The following CTIF variants were observed in gnomAD, a reference collection of about 807,000 sequenced individuals.
CTIF encodes the protein cap binding complex dependent translation initiation factor, also known as CBP80/20-dependent translation initiation factor.
CTIF carries 21 observed loss-of-function variants against 66.0 expected under a neutral mutation model. That is an observed-to-expected ratio of 0.32 (90% CI 0.23 to 0.46). The LOEUF is 0.46. Among genes scored for constraint, CTIF ranks in the 20% least tolerant of loss-of-function variants. The probability of loss-of-function intolerance (pLI) is 1.00; values close to 1 mark genes in which losing one functional copy is unlikely to be tolerated. For synonymous variants in CTIF, 345 were observed against 326.4 expected (o/e 1.06, Z -0.62); for missense variants, 739 against 812.7 (o/e 0.91, Z 1.10).
intron 9 of CTIF, among the ~76,000 whole-genome samples, chr18:48,803,795 T>C (rs1386191217): frequency 6.6e-6 from 1 of 152,168 alleles, no homozygotes; most frequent in East Asian, 1.9e-4. Flanking sequence ...TGTCTTCCTT[T>C]TGGCTCAAGA....
chr18:48,572,025 G>T (rs78804659), intron 1 of CTIF, among the ~76,000 whole-genome samples: 1 of 152,078 alleles, frequency 6.6e-6, no homozygotes, highest in Non-Finnish European at 1.5e-5. Context: ...GTAGTCTTAA[G>T]CCAGAATTAT....
intron 9 of CTIF, among the ~76,000 whole-genome samples, chr18:48,770,642 C>A (rs567345700): frequency 6.6e-6 from 1 of 152,356 alleles, no homozygotes; most frequent in South Asian, 2.1e-4. Context: ...GTGGGTCGTG[C>A]CCCCGAATCT....
In CTIF at chr18:48,859,645, C is replaced by T. The variant is rs1412612416; in HGVS notation, c.*86C>T. 2 of 1,316,358 alleles carry T rather than the reference C, an allele frequency of 1.5e-6. No individual in the cohort carries two copies. Among genetic ancestry groups the T allele is most frequent in the African/African-American group, 2.9e-5 (2 of 68,606 alleles). The allele number at this position is 1,316,358 out of a possible 1,614,324, so 81.5% of individuals were successfully genotyped here. On this transcript the variant is annotated 3_prime_UTR_variant, in exon 12 of 12. Transcript: ENST00000256413. The stretch of plus-strand genomic sequence containing the variant: ...TGGACAGGCGGGAGGACAGGGGTGG[C>T]CCTGGCGGGAGAAAGAAATGGGGAG...
intron 1 of CTIF, among the ~76,000 whole-genome samples, chr18:48,595,208 G>T (rs1381765339): frequency 1.3e-5 from 2 of 152,138 alleles, no homozygotes; most frequent in African/African-American, 4.8e-5. Context: ...TAAGTCATAG[G>T]ATTCTAGGAT....
At chr18:48,547,709 G>A (rs1397958839) in intron 1 of CTIF, among the ~76,000 whole-genome samples, 5 of 152,150 alleles carry the variant, frequency 3.3e-5, no homozygotes, top group Non-Finnish European at 5.9e-5. Flanking sequence ...TGCTGGAAGG[G>A]CCTCCATTTG....
At chr18:48,834,057 T>C (rs989807687) in intron 10 of CTIF, among the ~76,000 whole-genome samples, 3 of 134,968 alleles carry the variant, frequency 2.2e-5, no homozygotes, top group African/African-American at 8.0e-5. Flanking sequence ...CCTCCCGTTC[T>C]CTTCCTTTCC....
chr18:48,752,324 G>A (rs186324754), intron 7 of CTIF, among the ~76,000 whole-genome samples: 195 of 152,294 alleles, frequency 1.3e-3, no homozygotes, highest in African/African-American at 4.4e-3. Context: ...GGAAGTAGCT[G>A]GCCCAGTGCT....
chr18:48,680,175 G>A (rs957669488), intron 6 of CTIF, among the ~76,000 whole-genome samples: 5 of 152,360 alleles, frequency 3.3e-5, no homozygotes, highest in Admixed American at 6.5e-5. Flanking sequence ...AAGAAGTTTT[G>A]TTATTTGTTA....
chr18:48,742,809 G>A (rs2092566198), intron 7 of CTIF, among the ~76,000 whole-genome samples: 1 of 152,146 alleles, frequency 6.6e-6, no homozygotes, highest in Non-Finnish European at 1.5e-5. Context: ...TTCTGCCAGG[G>A]GTATTGGGGT....
intron 9 of CTIF, among the ~76,000 whole-genome samples, chr18:48,811,918 G>T (rs534477541): frequency 2.0e-5 from 3 of 152,094 alleles, no homozygotes; most frequent in African/African-American, 7.2e-5. Context: ...AAGTGGAATT[G>T]CTGGATCATA....
intron 7 of CTIF, among the ~76,000 whole-genome samples, chr18:48,722,445 C>T (rs1255454045): frequency 6.6e-6 from 1 of 151,716 alleles, no homozygotes. Flanking sequence ...GGTCTTGAAC[C>T]CCTGGCCTCA....
At chr18:48,770,898 T>C (rs1422918737) in intron 9 of CTIF, among the ~76,000 whole-genome samples, 2 of 152,316 alleles carry the variant, frequency 1.3e-5, no homozygotes, top group Middle Eastern at 3.4e-3. Context: ...GTGGGTGCCC[T>C]GCCCTGGTGG....
Position 48,699,150 on chromosome 18 carries a change from ACGGCCC to A in CTIF, c.508-12467_508-12462del, listed in dbSNP as rs554876330. 3.0e-3 allele frequency among the ~76,000 whole-genome samples: 453 copies of A among 152,122 alleles called. 3 individuals carry two copies. Among genetic ancestry groups the A allele is most frequent in the Middle Eastern group, 0.014 (4 of 294 alleles). On this transcript the variant is annotated intron_variant, in intron 6 of 11. Transcript: ENST00000256413. ...ATACCCCCGAGCCTCCTGGTGCCCG[ACGGCCC>A]CAGCAGGCTAGTCAGACCCAGTGTC...
intron 3 of CTIF, among the ~76,000 whole-genome samples, chr18:48,646,901 CAAAAAAAAA>C (rs35904615): frequency 8.1e-4 from 63 of 77,988 alleles, no homozygotes; most frequent in Admixed American, 2.3e-3. Context: ...TTGGCAGTTT[CAAAAAAAAA>C]AAAAAAAAAA....
chr18:48,551,449 T>G (rs1017044948), intron 1 of CTIF, among the ~76,000 whole-genome samples: 2 of 152,090 alleles, frequency 1.3e-5, no homozygotes, highest in Admixed American at 1.3e-4. Flanking sequence ...AATTATGAGA[T>G]CATACATTTC....
chr18:48,793,470 C>T lies in CTIF; in HGVS notation c.1372-23751C>T, dbSNP rs571199239. On this transcript the variant is annotated intron_variant, in intron 9 of 11. Transcript: ENST00000256413. ...CCACAGCCATTTACAACTCTGGCTT[C>T]TGTAATGTGGTGCCAGCAGGATTAA... Among the ~76,000 whole-genome samples, 12 of 152,330 alleles carry T rather than the reference C, an allele frequency of 7.9e-5. No individual in the cohort carries two copies. In the South Asian group the frequency reaches 2.3e-3, roughly 29 times the overall value.
intron 1 of CTIF, among the ~76,000 whole-genome samples, chr18:48,600,447 T>C (rs1028800330): frequency 2.0e-5 from 3 of 152,168 alleles, no homozygotes; most frequent in African/African-American, 7.2e-5. Context: ...CAGGATTTCC[T>C]ATGCTGTCCT....
chr18:48,581,654 G>T (rs559909213), intron 1 of CTIF, among the ~76,000 whole-genome samples: 6 of 152,176 alleles, frequency 3.9e-5, no homozygotes, highest in South Asian at 2.1e-4. Flanking sequence ...GGGTCGGGCA[G>T]CCAGTGACCC....
At chr18:48,647,033 G>A (rs1330927100) in intron 3 of CTIF, among the ~76,000 whole-genome samples, 2 of 151,682 alleles carry the variant, frequency 1.3e-5, no homozygotes, top group Admixed American at 1.3e-4. Context: ...TCAACTGTTT[G>A]TAGCAGCTTT....
Sources: allele counts gnomAD v4.1 joint callset (sites outside exome capture counted in the v4.1 genomes callset), GRCh38; gene constraint gnomAD v4.1.1; transcripts MANE v1.5; gene names NCBI Gene and HGNC (gene_info 2026-07-23, HGNC 2026-07-21).